The following COX10 variants were observed in gnomAD, a reference collection of about 807,000 sequenced individuals.
COX10 encodes protoheme IX farnesyltransferase, mitochondrial.
COX10 carries 27 observed loss-of-function variants against 37.3 expected under a neutral mutation model. The observed-to-expected ratio is 0.72, with a 90% CI of 0.53 to 1.00. COX10 has a LOEUF of 1.00. COX10 is among the 50% of genes least tolerant of loss of function. COX10 has a pLI of 0.00. For missense variants in COX10, 475 were observed against 563.2 expected (o/e 0.84, Z 1.59); for synonymous variants, 222 against 229.1 (o/e 0.97, Z 0.28).
At chr17:14,206,667 GA>G in intron 6 of COX10, 142 bp from the exon 7 acceptor site, 2 of 1,045,344 alleles carry the variant, frequency 1.9e-6, no homozygotes, top group Non-Finnish European at 2.9e-6. Flanking sequence ...GCCACCCTGT[GA>G]TGTAGGCAGG....
chr17:14,144,135 G>A (rs992675486), intron 4 of COX10, among the ~76,000 whole-genome samples: 2 of 152,158 alleles, frequency 1.3e-5, no homozygotes, highest in Non-Finnish European at 2.9e-5. Context: ...CCACCGTGTT[G>A]TGACCAGATG....
intron 5 of COX10, among the ~76,000 whole-genome samples, chr17:14,166,531 G>A (rs1273112511): frequency 1.3e-5 from 2 of 151,164 alleles, no homozygotes; most frequent in Admixed American, 6.6e-5. Context: ...CTCTGATGGA[G>A]ATATACAAGG....
intron 5 of COX10, among the ~76,000 whole-genome samples, chr17:14,165,128 T>G (rs902120452): frequency 6.6e-6 from 1 of 152,238 alleles, no homozygotes; most frequent in Non-Finnish European, 1.5e-5. Context: ...TTGCTTCTTT[T>G]GCTTAGAAGA....
intron 4 of COX10, among the ~76,000 whole-genome samples, chr17:14,157,029 G>A (rs1905055921): frequency 6.6e-6 from 1 of 152,222 alleles, no homozygotes; most frequent in Non-Finnish European, 1.5e-5. Flanking sequence ...AGGCAAATGA[G>A]TGTAGCTGAA....
At chr17:14,123,181 G>A (rs985015011) in intron 4 of COX10, among the ~76,000 whole-genome samples, 8 of 152,126 alleles carry the variant, frequency 5.3e-5, no homozygotes, top group African/African-American at 1.7e-4. Flanking sequence ...GAGGCCCAGC[G>A]TTAAAATGCC....
intron 5 of COX10, among the ~76,000 whole-genome samples, chr17:14,168,908 A>G (rs966696285): frequency 1.3e-5 from 2 of 152,208 alleles, no homozygotes; most frequent in Non-Finnish European, 2.9e-5. Context: ...AATTAACATT[A>G]TGCTCTTCAT....
chr17:14,201,759 G>A (rs1032098942), intron 6 of COX10, among the ~76,000 whole-genome samples: 51 of 152,122 alleles, frequency 3.4e-4, no homozygotes, highest in African/African-American at 1.0e-3. Flanking sequence ...CACTTCCCCC[G>A]TGCTTGTGGC....
At chr17:14,206,341 A>C (rs1386720069) in intron 6 of COX10, among the ~76,000 whole-genome samples, 1 of 152,132 alleles carries the variant, frequency 6.6e-6, no homozygotes, top group African/African-American at 2.4e-5. Flanking sequence ...CAGCGGGCGG[A>C]AATGGAGCTC....
intron 4 of COX10, among the ~76,000 whole-genome samples, chr17:14,129,600 C>T (rs1220230819): frequency 6.6e-6 from 1 of 152,076 alleles, no homozygotes; most frequent in African/African-American, 2.4e-5. Flanking sequence ...CTGTATTTTT[C>T]TTTGCTTTGA....
chr17:14,099,815 C>T (rs1403945711), intron 3 of COX10, among the ~76,000 whole-genome samples: 1 of 152,078 alleles, frequency 6.6e-6, no homozygotes, highest in Non-Finnish European at 1.5e-5. Context: ...ATTTCGTCTG[C>T]GTTCTTTATA....
chr17:14,151,162 T>C (rs544101763), intron 4 of COX10, among the ~76,000 whole-genome samples: 24 of 152,318 alleles, frequency 1.6e-4, no homozygotes, highest in African/African-American at 5.5e-4. Flanking sequence ...CAATGCTTTA[T>C]GTTTAGGAAA....
intron 4 of COX10, among the ~76,000 whole-genome samples, chr17:14,149,013 A>G (rs1165146420): frequency 6.7e-6 from 1 of 148,504 alleles, no homozygotes; most frequent in Non-Finnish European, 1.5e-5. Flanking sequence ...CATATATAAC[A>G]ATATATTTAT....
chr17:14,119,757 CAG>C lies in COX10; in HGVS notation c.624+17519_624+17520del, dbSNP rs139876911. On this transcript the variant is annotated intron_variant, in intron 4 of 6. Coordinates refer to ENST00000261643, the MANE Select transcript of COX10 (RefSeq NM_001303.4). ...AAAAACTGAGAGCCCTGTGATGAGACAGAGACAGAAAGGAGAGTGTTGAGTGA... is the reference window on the plus strand; with the variant it reads ...AAAAACTGAGAGCCCTGTGATGAGACAGACAGAAAGGAGAGTGTTGAGTGA... 2.6e-3 allele frequency among the ~76,000 whole-genome samples: 390 copies of C among 152,198 alleles called. 5 individuals carry two copies. The highest frequency in any genetic ancestry group is 8.7e-3 in the African/African-American group (362 of 41,520).
At chr17:14,084,320 T>C (rs896723107) in intron 3 of COX10, among the ~76,000 whole-genome samples, 25 of 151,810 alleles carry the variant, frequency 1.6e-4, no homozygotes, top group Admixed American at 1.6e-3. Flanking sequence ...GACTAGTAAA[T>C]ATTTATTTTT....
At chr17:14,078,190 C>T (rs1284338385) in intron 3 of COX10, among the ~76,000 whole-genome samples, 11 of 152,050 alleles carry the variant, frequency 7.2e-5, no homozygotes, top group Non-Finnish European at 8.8e-5. Flanking sequence ...AACGAATCAG[C>T]ATGTTTCTAA....
chr17:14,181,204 A>G (rs182342576), intron 5 of COX10, among the ~76,000 whole-genome samples: 10 of 152,324 alleles, frequency 6.6e-5, no homozygotes, highest in Admixed American at 1.3e-4. Context: ...TCAGGGGGCA[A>G]GGGGGTCAAT....
intron 1 of COX10, among the ~76,000 whole-genome samples, chr17:14,070,672 C>G (rs1914999116): frequency 6.6e-6 from 1 of 152,218 alleles, no homozygotes; most frequent in Non-Finnish European, 1.5e-5. Context: ...ACTTTTTTCA[C>G]TTGTCACCTA....
At chr17:14,091,576 G>A (rs560826733) in intron 3 of COX10, among the ~76,000 whole-genome samples, 2 of 152,252 alleles carry the variant, frequency 1.3e-5, no homozygotes, top group South Asian at 4.1e-4. Flanking sequence ...ATGCAGTTAG[G>A]TCCAGATGTA....
chr17:14,074,104 TC>T (rs1452124489), intron 1 of COX10, among the ~76,000 whole-genome samples: 1 of 152,010 alleles, frequency 6.6e-6, no homozygotes, highest in African/African-American at 2.4e-5. Context: ...ATGAAAATTT[TC>T]CCTGGCCCTT....
Sources: allele counts gnomAD v4.1 joint callset (sites outside exome capture counted in the v4.1 genomes callset), GRCh38; gene constraint gnomAD v4.1.1; transcripts MANE v1.5; gene names NCBI Gene and HGNC (gene_info 2026-07-23, HGNC 2026-07-21).